Variants in LRFN5 observed in about 807,000 individuals in gnomAD.
The protein encoded by LRFN5 is leucine rich repeat and fibronectin type III domain containing 5.
LRFN5 carries 24 observed loss-of-function variants against 45.6 expected under a neutral mutation model. The observed-to-expected ratio is 0.53, with a 90% confidence interval of 0.38 to 0.74. The LOEUF is 0.74. LRFN5 is among the 30% of genes least tolerant of loss of function. LRFN5 has a pLI of 0.00. For synonymous variants in LRFN5, 340 were observed against 313.8 expected (o/e 1.08, Z -0.88); for missense variants, 776 against 861.5 (o/e 0.90, Z 1.24).
chr14:41,719,814 A>T (rs12432259), intron 1 of LRFN5, among the ~76,000 whole-genome samples: 7,766 of 151,888 alleles, frequency 0.051, 255 homozygotes, highest in Middle Eastern at 0.11. Context: ...ATACCCAGTT[A>T]TGCGATTGCT....
chr14:41,652,215 A>T (rs961911455), intron 1 of LRFN5, among the ~76,000 whole-genome samples: 1 of 152,100 alleles, frequency 6.6e-6, no homozygotes, highest in Non-Finnish European at 1.5e-5. Context: ...TAAATTATTG[A>T]AAATTAGTGA....
At chr14:41,897,143 T>C (rs977139298) in intron 4 of LRFN5, among the ~76,000 whole-genome samples, 1 of 150,940 alleles carries the variant, frequency 6.6e-6, no homozygotes, top group African/African-American at 2.4e-5. Flanking sequence ...TATTAAAAAA[T>C]AGAGTGGTAA....
At chr14:41,822,422 C>A (rs1317866164) in intron 2 of LRFN5, among the ~76,000 whole-genome samples, 1 of 151,920 alleles carries the variant, frequency 6.6e-6, no homozygotes, top group Non-Finnish European at 1.5e-5. Context: ...CATTCAAGAG[C>A]AGGTTGTTTA....
chr14:41,689,749 G>C (rs528554979), intron 1 of LRFN5, among the ~76,000 whole-genome samples: 1 of 150,188 alleles, frequency 6.7e-6, no homozygotes, highest in African/African-American at 2.4e-5. Context: ...AAAAAAATTA[G>C]CCGGGCGTGA....
Position 41,891,500 on chromosome 14 carries a change from A to G in LRFN5, c.1636A>G (p.Ile546Val). 1.9e-6 allele frequency: 3 copies of G among 1,614,170 alleles called. No homozygotes were observed. The highest frequency in any genetic ancestry group is 2.5e-6 in the Non-Finnish European group (3 of 1,180,032). ...TGTAGCATCTGTGCTGGTATTCATC[A>G]TTATTCTGATGATCCGGTATAAGGT... is the stretch of plus-strand genomic sequence containing the variant. ...IIVASVLVFI[I>V]ILMIRYKVCN... The change falls in exon 4 of 6, where the codon ATT becomes GTT. Residue 546 changes from isoleucine to valine, a missense_variant. Ile to Val is a conservative substitution (Grantham distance 29). Transcript: ENST00000298119.
chr14:41,805,178 A>G (rs1266813286), intron 2 of LRFN5, among the ~76,000 whole-genome samples: 1 of 149,994 alleles, frequency 6.7e-6, no homozygotes, highest in Non-Finnish European at 1.5e-5. Flanking sequence ...TTTTGAAGCA[A>G]AGGTTTGGAT....
intron 2 of LRFN5, among the ~76,000 whole-genome samples, chr14:41,795,063 ATGTT>A (rs910553875): frequency 1.6e-4 from 25 of 152,032 alleles, no homozygotes; most frequent in South Asian, 4.1e-4. Context: ...TGGGCTGTAA[ATGTT>A]TGGCAGCTAA....
At chr14:41,609,711 C>G (rs1352184192) in intron 1 of LRFN5, among the ~76,000 whole-genome samples, 1 of 152,182 alleles carries the variant, frequency 6.6e-6, no homozygotes, top group Non-Finnish European at 1.5e-5. Flanking sequence ...TTGTCTCCCG[C>G]CTTTGGGAGC....
intron 1 of LRFN5, among the ~76,000 whole-genome samples, chr14:41,611,622 T>C (rs981960961): frequency 2.6e-5 from 4 of 152,224 alleles, no homozygotes; most frequent in African/African-American, 9.6e-5. Flanking sequence ...GATAATTTCT[T>C]TTAGTCATTT....
Position 41,886,665 on chromosome 14 carries a change from G to A in LRFN5, c.40G>A (p.Ala14Thr). 3 of 1,602,694 alleles carry A rather than the reference G, an allele frequency of 1.9e-6. No individual in the cohort carries two copies. Among genetic ancestry groups the A allele is most frequent in the Non-Finnish European group, 2.5e-6 (3 of 1,176,974 alleles). ...TTTTTATCTGTTTCTCATTGGCATAGCAGTGAAAGCTCAGATCTGTCCAAA... is the reference window on the plus strand; with the variant it reads ...TTTTTATCTGTTTCTCATTGGCATAACAGTGAAAGCTCAGATCTGTCCAAA... The part of the protein sequence containing the change: ...ILFYLFLIGI[A>T]VKAQICPKRC... The change falls in exon 3 of 6, where the codon GCA becomes ACA. Residue 14 changes from alanine (A) to threonine (T), a missense_variant. Ala to Thr is a moderately conservative substitution (Grantham distance 58). Around this residue, in one of 2 missense-constraint regions of LRFN5, gnomAD observed 311 missense variants for 405.1 expected, o/e 0.77. Transcript: ENST00000298119.
At chr14:41,697,347 C>A (rs960112248) in intron 1 of LRFN5, among the ~76,000 whole-genome samples, 1 of 151,602 alleles carries the variant, frequency 6.6e-6, no homozygotes, top group Non-Finnish European at 1.5e-5. Context: ...ACTATGTTTG[C>A]TTTACAAATC....
At chr14:41,762,845 G>A (rs1317946682) in intron 1 of LRFN5, among the ~76,000 whole-genome samples, 7 of 152,026 alleles carry the variant, frequency 4.6e-5, no homozygotes, top group African/African-American at 1.7e-4. Flanking sequence ...GCATCATGTA[G>A]GCCAAAACAT....
chr14:41,770,294 GC>G (rs1288547765), intron 2 of LRFN5, among the ~76,000 whole-genome samples: 1 of 151,878 alleles, frequency 6.6e-6, no homozygotes, highest in African/African-American at 2.4e-5. Flanking sequence ...TCCATCCCTG[GC>G]CCCCCCAAAT....
intron 2 of LRFN5, among the ~76,000 whole-genome samples, chr14:41,777,115 A>C (rs932324353): frequency 2.0e-5 from 3 of 151,814 alleles, no homozygotes; most frequent in African/African-American, 7.2e-5. Context: ...AATATGTCTC[A>C]ATAGATTGTG....
intron 1 of LRFN5, among the ~76,000 whole-genome samples, chr14:41,746,674 A>G (rs1011999704): frequency 1.1e-4 from 16 of 152,018 alleles, no homozygotes; most frequent in African/African-American, 3.9e-4. Context: ...TAAAAAAGCA[A>G]AAATACATTA....
At position 41,891,932 on chromosome 14, in the gene LRFN5, C is replaced by A. The variant is rs1026099878; in HGVS notation, c.2068C>A (p.Pro690Thr). Residue 690 changes from proline to threonine, a missense_variant, in exon 4 of 6, where the codon CCC (proline) becomes ACC (threonine). Physicochemically the swap from Pro to Thr is conservative, Grantham distance 38. Transcript: ENST00000298119. ...SRPPDSVTEG[P>T]TSKRAHIKPN... is the part of the protein sequence containing the mutation. ...TCCTCCCGATTCTGTCACAGAGGGG[C>A]CCACGTCTAAAAGAGCACATATAAA... 3 of 1,613,766 alleles carry A rather than the reference C, an allele frequency of 1.9e-6. No individual in the cohort carries two copies. The African/African-American group carries it at 4.0e-5, about 22-fold the overall frequency.
At chr14:41,843,538 AC>A (rs1308226622) in intron 2 of LRFN5, among the ~76,000 whole-genome samples, 32 of 152,184 alleles carry the variant, frequency 2.1e-4, no homozygotes, top group African/African-American at 7.7e-4. Context: ...TATTCTAAAA[AC>A]TTTGTAGAAG....
chr14:41,636,164 A>G (rs903033975), intron 1 of LRFN5, among the ~76,000 whole-genome samples: 1 of 152,202 alleles, frequency 6.6e-6, no homozygotes, highest in African/African-American at 2.4e-5. Context: ...TATTGGTTCA[A>G]CTGATGAGTA....
intron 1 of LRFN5, among the ~76,000 whole-genome samples, chr14:41,718,057 T>G (rs1045937897): frequency 6.6e-6 from 1 of 152,138 alleles, no homozygotes; most frequent in Non-Finnish European, 1.5e-5. Flanking sequence ...CCTAGCATCT[T>G]GTTTTACATA....
Sources: allele counts gnomAD v4.1 joint callset (sites outside exome capture counted in the v4.1 genomes callset), GRCh38; gene constraint gnomAD v4.1.1; regional missense constraint gnomAD v4.1.1; transcripts MANE v1.5; gene names NCBI Gene and HGNC (gene_info 2026-07-23, HGNC 2026-07-21).